The following ANKS6 variants were observed in gnomAD, a reference collection of about 807,000 sequenced individuals.
ANKS6 encodes ankyrin repeat and SAM domain-containing protein 6.
Under a neutral mutation model 77.9 loss-of-function variants are expected in ANKS6, and 47 were observed. The observed-to-expected ratio is 0.60, with a 90% CI of 0.48 to 0.77. The LOEUF is 0.77. Among genes scored for constraint, ANKS6 ranks in the 30% least tolerant of loss-of-function variants. The pLI is 0.00. For missense variants in ANKS6, 1,150 were observed against 1,159.1 expected, an observed-to-expected ratio of 0.99 and a Z score of 0.11; for synonymous variants, 488 against 501.7, an observed-to-expected ratio of 0.97 and a Z score of 0.37.
chr9:98,790,667 T>C, intron 1 of ANKS6, 61 bp from the exon 2 acceptor site: 1 of 1,549,606 alleles, frequency 6.5e-7, no homozygotes, highest in Non-Finnish European at 8.8e-7. Flanking sequence ...CCAGCTTATG[T>C]CATCCTTAAT....
At chr9:98,779,322 C>G (rs538456807) in intron 6 of ANKS6, among the ~76,000 whole-genome samples, 1 of 152,304 alleles carries the variant, frequency 6.6e-6, no homozygotes, top group South Asian at 2.1e-4. Context: ...TTCCAGGAAG[C>G]TGGCAGGGCC....
intron 12 of ANKS6, among the ~76,000 whole-genome samples, chr9:98,753,855 G>C (rs1832561841): frequency 1.3e-5 from 2 of 152,156 alleles, no homozygotes; most frequent in Admixed American, 6.5e-5. Context: ...TACATTTTAA[G>C]TACAATATAC....
chr9:98,778,180 C>G (rs1250515449), intron 7 of ANKS6, 46 bp downstream of exon 7: 1 of 1,605,264 alleles, frequency 6.2e-7, no homozygotes, highest in South Asian at 1.1e-5. Flanking sequence ...AGGGTACAGG[C>G]TCAGACCATT....
chr9:98,769,835 C>A (rs183863967), intron 10 of ANKS6, among the ~76,000 whole-genome samples: 1 of 152,116 alleles, frequency 6.6e-6, no homozygotes, highest in Non-Finnish European at 1.5e-5. Context: ...GGGCTTGGCA[C>A]GCTACTTGAC....
chr9:98,778,948 T>C (rs970574828), intron 6 of ANKS6, among the ~76,000 whole-genome samples: 2 of 152,126 alleles, frequency 1.3e-5, no homozygotes, highest in Admixed American at 1.3e-4. Flanking sequence ...CTGGGAACGC[T>C]TGTAACCCAT....
chr9:98,757,794 G>C (rs1012098671), intron 11 of ANKS6, among the ~76,000 whole-genome samples: 1 of 152,092 alleles, frequency 6.6e-6, no homozygotes, highest in Non-Finnish European at 1.5e-5. Context: ...CAAGTGTGGT[G>C]GTGGGTGCCT....
intron 8 of ANKS6, among the ~76,000 whole-genome samples, chr9:98,776,774 G>A (rs988411678): frequency 1.3e-5 from 2 of 152,196 alleles, no homozygotes; most frequent in African/African-American, 4.8e-5. Context: ...CCTGCTGGCT[G>A]GAATGAGGCC....
chr9:98,786,956 A>C (rs1176171926), intron 2 of ANKS6, among the ~76,000 whole-genome samples: 2 of 152,150 alleles, frequency 1.3e-5, no homozygotes, highest in Admixed American at 6.5e-5. Flanking sequence ...ATATCCAAGC[A>C]GTCCCAGGGA....
Position 98,778,366 on chromosome 9 carries a change from G to T in ANKS6, c.1427C>A (p.Pro476His). 6.2e-7 allele frequency: 1 copy of T among 1,614,178 alleles called. No homozygotes were observed. Among genetic ancestry groups the T allele is most frequent in the South Asian group, 1.1e-5 (1 of 91,078 alleles). ...AGGCTGGTTGCTGGACAGCCCACGGGGCAGCGTCTGCATCAGTTTGAGCTT... is the reference window on the plus strand; with the variant it reads ...AGGCTGGTTGCTGGACAGCCCACGGTGCAGCGTCTGCATCAGTTTGAGCTT... ...FRKLKLMQTL[P>H]RGLSSNQPLP... The change falls in exon 7 of 15, where the codon CCC (proline) becomes CAC (histidine). Residue 476 changes from proline (P) to histidine (H), a missense_variant. By Grantham distance (77) the Pro-to-His change is moderately conservative. Transcript: ENST00000353234.
In ANKS6 at chr9:98,775,854, C is replaced by T. The variant is rs118061868; in HGVS notation, c.1617+1551G>A. On this transcript the variant is annotated intron_variant, in intron 8 of 14. Transcript: ENST00000353234. ...ATTGCTATTTAATAACATGATCAAA[C>T]GTCAGGCAGCACAAGCCCCCACAGT... Among the ~76,000 whole-genome samples the T allele has an allele frequency of 2.5e-4, 38 of 152,270 alleles. No individual in the cohort carries two copies. The East Asian group carries it at 6.6e-3, about 26-fold the overall frequency.
intron 11 of ANKS6, among the ~76,000 whole-genome samples, chr9:98,760,498 G>C (rs1001329196): frequency 2.0e-5 from 3 of 152,172 alleles, no homozygotes; most frequent in African/African-American, 7.2e-5. Context: ...CAATTCATTA[G>C]CACACAAAAT....
intron 11 of ANKS6, among the ~76,000 whole-genome samples, chr9:98,764,345 T>TA (rs1833161042): frequency 1.3e-5 from 2 of 152,242 alleles, no homozygotes; most frequent in Non-Finnish European, 2.9e-5. Flanking sequence ...TTTACCCTAT[T>TA]GAGCATTCTG....
intron 11 of ANKS6, among the ~76,000 whole-genome samples, chr9:98,766,645 GT>G (rs1365660374): frequency 1.3e-5 from 2 of 152,190 alleles, no homozygotes; most frequent in Non-Finnish European, 2.9e-5. Flanking sequence ...AAGCAAATGT[GT>G]AGGGAGAAAA....
Position 98,757,914 on chromosome 9 carries a change from C to T in ANKS6, c.2143-1311G>A, listed in dbSNP as rs11794957. 5.3e-3 allele frequency among the ~76,000 whole-genome samples: 799 copies of T among 151,218 alleles called. 6 individuals are homozygous for T. The highest frequency in any genetic ancestry group is 0.024 in the South Asian group (115 of 4,760). ...CTGCACTCCAGCCTGGGTGACAAAGCGAGACTCTGTCTCAAAATAAATAAA... is the reference window on the plus strand; with the variant it reads ...CTGCACTCCAGCCTGGGTGACAAAGTGAGACTCTGTCTCAAAATAAATAAA... On this transcript the variant is annotated intron_variant, in intron 11 of 14. Transcript: ENST00000353234.
At chr9:98,743,157 C>T (rs1209777060) in intron 14 of ANKS6, among the ~76,000 whole-genome samples, 1 of 152,182 alleles carries the variant, frequency 6.6e-6, no homozygotes, top group Non-Finnish European at 1.5e-5. Context: ...GTCCTTCTTC[C>T]TTAACTGGCT....
intron 4 of ANKS6, among the ~76,000 whole-genome samples, chr9:98,782,948 G>A (rs1020260633): frequency 1.6e-4 from 25 of 152,098 alleles, no homozygotes; most frequent in Admixed American, 1.6e-3. Flanking sequence ...TTAGCTAGGT[G>A]TGGTGGTGCA....
intron 6 of ANKS6, among the ~76,000 whole-genome samples, chr9:98,779,807 G>A (rs1287564814): frequency 6.6e-6 from 1 of 152,030 alleles, no homozygotes; most frequent in Non-Finnish European, 1.5e-5. Context: ...GGGACTACAG[G>A]CGTGCGCCAC....
At position 98,733,626 on chromosome 9, in the gene ANKS6, C is replaced by A; in HGVS notation, c.*2893G>T. 1 of 985,480 alleles carries A rather than the reference C, an allele frequency of 1.0e-6. No homozygotes were observed. The highest frequency in any genetic ancestry group is 1.2e-6 in the Non-Finnish European group (1 of 829,958). 61.0% of individuals were successfully genotyped at this position (985,480 alleles called of 1,614,324 possible). A position where few individuals can be genotyped will look rare whatever the true frequency, so the allele number is the denominator to read the frequency against. ...CTTCTCCAATGGTGTCCAAGGAATT[C>A]CAGTCTTGCAAAAGCACCTTGGAGA... is the stretch of plus-strand genomic sequence containing the variant. On this transcript the variant is annotated 3_prime_UTR_variant, in exon 15 of 15. Transcript: ENST00000353234.
At chr9:98,769,537 G>T (rs751435574) in intron 10 of ANKS6, among the ~76,000 whole-genome samples, 2 of 152,178 alleles carry the variant, frequency 1.3e-5, no homozygotes, top group Non-Finnish European at 2.9e-5. Context: ...TATTAAACAA[G>T]GTGCTGTAGA....
Sources: allele counts gnomAD v4.1 joint callset (sites outside exome capture counted in the v4.1 genomes callset), GRCh38; gene constraint gnomAD v4.1.1; transcripts MANE v1.5; gene names NCBI Gene and HGNC (gene_info 2026-07-23, HGNC 2026-07-21).